Variants in EPM2A observed in about 807,000 individuals in gnomAD.
EPM2A encodes EPM2A glucan phosphatase, laforin, also known as laforin.
EPM2A carries 21 observed loss-of-function variants against 26.5 expected under a neutral mutation model. The observed-to-expected ratio is 0.79, with a 90% CI of 0.56 to 1.14. EPM2A has a LOEUF of 1.14. Ranked by LOEUF, EPM2A falls within the 50% of genes most tolerant of loss-of-function variation. The pLI is 0.00. For synonymous variants in EPM2A, 217 were observed against 177.6 expected, an observed-to-expected ratio of 1.22 and a Z score of -1.76; for missense variants, 458 against 440.8, an observed-to-expected ratio of 1.04 and a Z score of -0.35.
At chr6:145,484,989 A>AT (rs1490214070) in intron 4 of EPM2A, among the ~76,000 whole-genome samples, 1 of 100,866 alleles carries the variant, frequency 9.9e-6, no homozygotes, top group African/African-American at 4.0e-5. Context: ...AATGACATTA[A>AT]AATATATATA....
chr6:145,448,128 C>A (rs1446970141), intron 4 of EPM2A, among the ~76,000 whole-genome samples: 3 of 152,214 alleles, frequency 2.0e-5, no homozygotes, highest in Middle Eastern at 3.4e-3. Context: ...GTAGTGATTT[C>A]ACATAAGTGA....
chr6:145,565,764 A>G (rs1273092218), intron 2 of EPM2A, among the ~76,000 whole-genome samples: 1 of 152,130 alleles, frequency 6.6e-6, no homozygotes, highest in Non-Finnish European at 1.5e-5. Flanking sequence ...TGGGATGACT[A>G]TCCAACTTCC....
intron 4 of EPM2A, chr6:145,489,857 T>G (rs763647004): frequency 8.4e-6 from 12 of 1,432,748 alleles, no homozygotes; most frequent in Non-Finnish European, 1.2e-5. Context: ...GGCACCTGAT[T>G]TATCCATTCA....
intron 2 of EPM2A, among the ~76,000 whole-genome samples, chr6:145,593,247 G>C (rs183844500): frequency 6.6e-6 from 1 of 152,088 alleles, no homozygotes; most frequent in African/African-American, 2.4e-5. Flanking sequence ...TCTCCAAGAA[G>C]ACATGACAAT....
In EPM2A at chr6:145,632,331, T is replaced by A. The variant is rs1400444339; in HGVS notation, c.718+2914A>T. ...GTAGCTGAGGACTTCATGAAGCCTG[T>A]GAACTCATTTGGGAGGCAAGGGTAG... On this transcript the variant is annotated intron_variant, in intron 3 of 3. Transcript: ENST00000367519. 5 of 152,330 alleles carry A rather than the reference T, an allele frequency of 3.3e-5. No homozygotes were observed. In the East Asian group the frequency reaches 7.7e-4, roughly 23 times the overall value. 9.4% of individuals were successfully genotyped at this position (152,330 alleles called of 1,614,324 possible). A position where few individuals can be genotyped will look rare whatever the true frequency, so the allele number is the denominator to read the frequency against.
intron 2 of EPM2A, among the ~76,000 whole-genome samples, chr6:145,615,288 GA>G (rs1359804523): frequency 6.6e-6 from 1 of 152,092 alleles, no homozygotes; most frequent in Non-Finnish European, 1.5e-5. Context: ...TACAAAAGGG[GA>G]TTTTCTCTCC....
At chr6:145,727,186 C>G (rs914243379) in intron 1 of EPM2A, among the ~76,000 whole-genome samples, 2 of 152,022 alleles carry the variant, frequency 1.3e-5, no homozygotes, top group Non-Finnish European at 2.9e-5. Context: ...AAACCACACC[C>G]AAATATGACA....
At chr6:145,487,584 T>C (rs1424966489) in intron 4 of EPM2A, among the ~76,000 whole-genome samples, 1 of 152,218 alleles carries the variant, frequency 6.6e-6, no homozygotes, top group Non-Finnish European at 1.5e-5. Flanking sequence ...TGCATTTCTC[T>C]GATGATCAAT....
chr6:145,682,457 T>C (rs1780615153), intron 2 of EPM2A: 1 of 152,186 alleles, frequency 6.6e-6, no homozygotes, highest in Admixed American at 6.6e-5. Context: ...GCTTCACATT[T>C]CTGTTCAAGT....
chr6:145,555,620 C>T (rs187196996), intron 2 of EPM2A, among the ~76,000 whole-genome samples: 23 of 152,106 alleles, frequency 1.5e-4, no homozygotes, highest in African/African-American at 5.5e-4. Flanking sequence ...TCTAAAATTC[C>T]TTTTCTTTCT....
chr6:145,639,896 G>A (rs187101386), intron 2 of EPM2A: 1 of 152,224 alleles, frequency 6.6e-6, no homozygotes, highest in Non-Finnish European at 1.5e-5. Context: ...TTTCTGCTGT[G>A]CTATAATCAG....
chr6:145,620,680 C>G (rs1348022022), downstream of EPM2A, among the ~76,000 whole-genome samples: 1 of 152,194 alleles, frequency 6.6e-6, no homozygotes, highest in Non-Finnish European at 1.5e-5. Context: ...CTGTTCTGTT[C>G]AAGGTCCAGC....
At chr6:145,506,432 A>T (rs1277588497) in intron 2 of EPM2A, among the ~76,000 whole-genome samples, 1 of 152,180 alleles carries the variant, frequency 6.6e-6, no homozygotes, top group East Asian at 1.9e-4. Flanking sequence ...TTCATGATTC[A>T]TAAAAGTAAA....
intron 2 of EPM2A, among the ~76,000 whole-genome samples, chr6:145,514,229 G>A (rs945675574): frequency 6.6e-6 from 1 of 152,178 alleles, no homozygotes; most frequent in East Asian, 1.9e-4. Flanking sequence ...TATCTTGCAA[G>A]GGAGTGTTGG....
At chr6:145,402,111 T>C (rs1304505517) in intron 4 of EPM2A, among the ~76,000 whole-genome samples, 1 of 152,092 alleles carries the variant, frequency 6.6e-6, no homozygotes, top group Non-Finnish European at 1.5e-5. Flanking sequence ...CCAAAATACT[T>C]CTTAATTGCA....
intron 4 of EPM2A, among the ~76,000 whole-genome samples, chr6:145,400,423 C>A (rs776380603): frequency 1.8e-4 from 27 of 152,160 alleles, no homozygotes; most frequent in Non-Finnish European, 3.8e-4. Flanking sequence ...AAGAGTTAAA[C>A]AGAAACCAGC....
chr6:145,444,103 A>G (rs1779101652), intron 4 of EPM2A, among the ~76,000 whole-genome samples: 1 of 152,062 alleles, frequency 6.6e-6, no homozygotes, highest in African/African-American at 2.4e-5. Context: ...CTTTTATTAT[A>G]TTTCTTTAGC....
chr6:145,705,629 G>C, intron 1 of EPM2A: 1 of 450,668 alleles, frequency 2.2e-6, no homozygotes, highest in Non-Finnish European at 4.5e-6. Context: ...ATTGGCTAGG[G>C]GCTCTTGTTC....
In EPM2A at chr6:145,686,202, G is replaced by A. The variant is rs917788107; in HGVS notation, c.396C>T (p.Ala132=). The stretch of plus-strand genomic sequence containing the variant: ...GCTTCATTTCATTGGTGTGCCCAGT[G>A]GCCTCAATCCAGTGTCCTATTGGGA... The part of the protein sequence containing the change: ...YCLPIGHWIE[A]TGHTNEMKHT... Residue 132 remains alanine (A), a synonymous_variant, in exon 2 of 4, where the codon GCC becomes GCT. Coordinates refer to ENST00000367519, the MANE Select transcript of EPM2A (RefSeq NM_005670.4). 2 of 1,613,388 alleles carry A rather than the reference G, an allele frequency of 1.2e-6. No homozygotes were observed. The highest frequency in any genetic ancestry group is 1.7e-5 in the Admixed American group (1 of 59,938).
Sources: allele counts gnomAD v4.1 joint callset (sites outside exome capture counted in the v4.1 genomes callset), GRCh38; gene constraint gnomAD v4.1.1; transcripts MANE v1.5; gene names NCBI Gene and HGNC (gene_info 2026-07-23, HGNC 2026-07-21).